TBCD: variants seen among roughly 807,000 people sequenced by gnomAD.
TBCD encodes tubulin-specific chaperone D.
A neutral mutation model predicts 169.3 loss-of-function variants in TBCD; 105 were observed. That is an observed-to-expected ratio of 0.62 (90% confidence interval 0.53 to 0.73). The LOEUF (loss-of-function observed/expected upper bound fraction) is 0.73, where lower values mean the gene tolerates loss of function less well. Among genes scored for constraint, TBCD ranks in the 30% least tolerant of loss-of-function variants. The pLI, the probability that TBCD is intolerant of heterozygous loss-of-function variation, is 0.00. For missense variants in TBCD, 1,444 were observed against 1,600.1 expected (o/e 0.90, Z 1.66); for synonymous variants, 700 against 643.9 (o/e 1.09, Z -1.32).
At chr17:82,912,088 C>T (rs1396483753) in intron 23 of TBCD, among the ~76,000 whole-genome samples, 1 of 152,210 alleles carries the variant, frequency 6.6e-6, no homozygotes, top group East Asian at 1.9e-4. Context: ...GGCAGTGGGG[C>T]CAGTGCTTGC....
intron 24 of TBCD, 164 bp from the exon 25 acceptor site, chr17:82,921,337 G>T: frequency 1.5e-6 from 1 of 652,580 alleles, no homozygotes; most frequent in Non-Finnish European, 2.8e-6. Flanking sequence ...AGGGGCCTTA[G>T]ACTTAACACA....
At chr17:82,899,469 G>A (rs973902715) in intron 17 of TBCD, among the ~76,000 whole-genome samples, 7 of 151,916 alleles carry the variant, frequency 4.6e-5, no homozygotes, top group Middle Eastern at 3.4e-3. Context: ...GTGTGTGTCC[G>A]CAGCGCGTGT....
rs1254678325 is a variant in TBCD, at chr17:82,775,199, G to GT, written c.638+2693dup. ...GTGCTTTTCGGCCGAGCCAGTTTCC[G>GT]TGCAGAACACCTGAGCCTGGGATCC... On this transcript the variant is annotated intron_variant, in intron 6 of 38. Transcript: ENST00000355528. 2.0e-5 allele frequency among the ~76,000 whole-genome samples: 3 copies of GT among 152,338 alleles called. No individual in the cohort carries two copies. The East Asian group carries it at 5.8e-4, about 29-fold the overall frequency.
At chr17:82,853,144 A>G (rs1415185338) in intron 13 of TBCD, among the ~76,000 whole-genome samples, 1 of 141,680 alleles carries the variant, frequency 7.1e-6, no homozygotes, top group Admixed American at 7.0e-5. Flanking sequence ...CAGTGGTGTG[A>G]TCATAGCTCA....
chr17:82,817,991 C>G (rs2052068882), intron 13 of TBCD, among the ~76,000 whole-genome samples: 1 of 152,154 alleles, frequency 6.6e-6, no homozygotes, highest in Admixed American at 6.5e-5. Flanking sequence ...AATGAAGTCC[C>G]TGCCTGTGGG....
intron 7 of TBCD, among the ~76,000 whole-genome samples, chr17:82,783,135 C>A (rs999490480): frequency 6.8e-6 from 1 of 147,390 alleles, no homozygotes; most frequent in East Asian, 2.0e-4. Flanking sequence ...TGGGGGCATA[C>A]GTTTCTTGAG....
rs750557531 is a variant in TBCD at position 82,938,118 on chromosome 17, C to G, written c.3351C>G (p.Leu1117=). The G allele has an allele frequency of 1.9e-6, 3 of 1,612,506 alleles. No individual in the cohort carries two copies. In the East Asian group the frequency reaches 6.7e-5, roughly 36 times the overall value. Residue 1117 remains leucine (L), a synonymous_variant, in exon 36 of 39, where the codon CTC becomes CTG. Coordinates refer to ENST00000355528, the MANE Select transcript of TBCD (RefSeq NM_005993.5). ...RQALLQLCLL[L]CHRFPLIRKT... is the part of the protein sequence containing the mutation. ...CCCTCCTGCAGCTGTGTCTGCTCCT[C>G]TGCCACCGTTTCCCGCTGGTGAGTG...
chr17:82,799,799 C>T (rs184377738), intron 8 of TBCD, among the ~76,000 whole-genome samples: 10 of 152,320 alleles, frequency 6.6e-5, no homozygotes, highest in Non-Finnish European at 1.3e-4. Context: ...CTTGGGCTGT[C>T]GTGCTTGTCA....
rs1054191326 is a variant in TBCD, at chr17:82,915,834, G to A, written c.2038+4045G>A. 6.6e-6 allele frequency among the ~76,000 whole-genome samples: 1 copy of A among 152,190 alleles called. No individual in the cohort carries two copies. Among genetic ancestry groups the A allele is most frequent in the Non-Finnish European group, 1.5e-5 (1 of 68,036 alleles). On this transcript the variant is annotated intron_variant, in intron 23 of 38. Transcript: ENST00000355528. The surrounding 1 kb of genome is among the most constrained non-coding windows in gnomAD (Gnocchi z 4.3). ...CTTGAGTCGGCCACAGGTGTGTGGA[G>A]GATCGTGACTTAGCAAGCCGGGGAC...
intron 23 of TBCD, among the ~76,000 whole-genome samples, chr17:82,916,309 A>C (rs1440039157): frequency 6.6e-6 from 1 of 151,820 alleles, no homozygotes; most frequent in Non-Finnish European, 1.5e-5. Flanking sequence ...CAGTGGCGCG[A>C]TCTCGGCTCA....
intron 12 of TBCD, among the ~76,000 whole-genome samples, chr17:82,813,931 C>T (rs1031387306): frequency 3.3e-5 from 5 of 152,184 alleles, no homozygotes; most frequent in Non-Finnish European, 5.9e-5. Context: ...AGGCACTCTC[C>T]GATTTTCCTA....
At chr17:82,821,068 G>A (rs377698590) in intron 13 of TBCD, among the ~76,000 whole-genome samples, 7 of 152,108 alleles carry the variant, frequency 4.6e-5, no homozygotes, top group African/African-American at 9.7e-5. Context: ...CAGCTCTCCC[G>A]CCTCAGCCTC....
rs1328307277 is a variant in TBCD at position 82,945,429 on chromosome 17, A to G, written c.*2966A>G. On this transcript the variant is annotated 3_prime_UTR_variant, in exon 39 of 39. Coordinates refer to ENST00000355528, the MANE Select transcript of TBCD (RefSeq NM_005993.5). Reference sequence around the variant, plus strand: ...TGCCACAGTGAAACTGCAGAACTGTAAGAAGGACAGAGTGATATAAACGAC... The same window carrying G: ...TGCCACAGTGAAACTGCAGAACTGTGAGAAGGACAGAGTGATATAAACGAC... 6.6e-6 allele frequency: 1 copy of G among 152,246 alleles called. No homozygotes were observed. The highest frequency in any genetic ancestry group is 1.9e-4 in the East Asian group (1 of 5,202). 9.4% of individuals were successfully genotyped at this position (152,246 alleles called of 1,614,324 possible). A position where few individuals can be genotyped will look rare whatever the true frequency, so the allele number is the denominator to read the frequency against.
chr17:82,842,625 A>G (rs572784797), intron 13 of TBCD, among the ~76,000 whole-genome samples: 1 of 152,230 alleles, frequency 6.6e-6, no homozygotes, highest in South Asian at 2.1e-4. Context: ...TAGGCTCTTG[A>G]GAAAGTGCAA....
chr17:82,844,371 G>A (rs998110093), intron 13 of TBCD, among the ~76,000 whole-genome samples: 5 of 152,052 alleles, frequency 3.3e-5, no homozygotes, highest in Non-Finnish European at 7.4e-5. Flanking sequence ...TCCCTGCATC[G>A]TCAGTGTGGC....
At chr17:82,856,954 C>T (rs2056356772) in intron 13 of TBCD, among the ~76,000 whole-genome samples, 1 of 146,686 alleles carries the variant, frequency 6.8e-6, no homozygotes, top group African/African-American at 2.6e-5. Context: ...GATCGCTGGA[C>T]CGCGTGCGGA....
In TBCD at chr17:82,920,569, A is replaced by G; in HGVS notation, c.2052A>G (p.Ile684Met). The G allele has an allele frequency of 6.5e-7, 1 of 1,542,798 alleles. No homozygotes were observed. Among genetic ancestry groups the G allele is most frequent in the Non-Finnish European group, 8.7e-7 (1 of 1,145,688 alleles). Residue 684 changes from isoleucine to methionine, a missense_variant, in exon 24 of 39, where the codon ATA (isoleucine) becomes ATG (methionine). Coordinates refer to ENST00000355528, the MANE Select transcript of TBCD (RefSeq NM_005993.5). This position sits in a 1 kb window ranked among gnomAD's most constrained non-coding sequence, Gnocchi z 4.1. ...QLMRQAVCVL[I>M]EKLSLSKMPF... The stretch of plus-strand genomic sequence containing the variant: ...TTTTTTTTCCAGTGTGTGTTTTAAT[A>G]GAAAAGTTGTCACTTTCCAAAATGC...
chr17:82,822,498 C>A (rs2052496684), intron 13 of TBCD, among the ~76,000 whole-genome samples: 1 of 152,192 alleles, frequency 6.6e-6, no homozygotes, highest in East Asian at 1.9e-4. Flanking sequence ...CTCGCACGAG[C>A]TGGGACAGCG....
rs961403965 is a variant in TBCD at position 82,773,394 on chromosome 17, C to T, written c.638+887C>T. On this transcript the variant is annotated intron_variant, in intron 6 of 38. Coordinates refer to ENST00000355528, the MANE Select transcript of TBCD (RefSeq NM_005993.5). Reference sequence around the variant, plus strand: ...CCCCTGGAGCAGGTGAGGCCCCTCCCGAGAGGGCAGAGGCTGCTTCCTGTC... The same window carrying T: ...CCCCTGGAGCAGGTGAGGCCCCTCCTGAGAGGGCAGAGGCTGCTTCCTGTC... Among the ~76,000 whole-genome samples the T allele has an allele frequency of 4.6e-5, 7 of 152,186 alleles. No homozygotes were observed. In the East Asian group the frequency reaches 9.7e-4, roughly 21 times the overall value.
Sources: gnomAD v4.1 joint callset for allele counts (sites outside exome capture counted in the v4.1 genomes callset) on GRCh38, gnomAD v4.1.1 for gene constraint, Gnocchi (gnomAD v3.1) non-coding constraint, MANE v1.5 for transcripts, NCBI Gene and HGNC (gene_info 2026-07-23, HGNC 2026-07-21) for gene names.